Variants in UXS1 observed in about 807,000 individuals in gnomAD.
The protein encoded by UXS1 is UDP-glucuronic acid decarboxylase 1.
UXS1 carries 33 observed loss-of-function variants against 62.6 expected under a neutral mutation model. The ratio of observed to expected loss-of-function variants is 0.53; its 90% CI spans 0.40 to 0.70. The LOEUF is 0.70. Among genes scored for constraint, UXS1 ranks in the 30% least tolerant of loss-of-function variants. The probability of loss-of-function intolerance (pLI) is 0.00; values close to 1 mark genes in which losing one functional copy is unlikely to be tolerated. For missense variants in UXS1, 434 were observed against 556.3 expected (o/e 0.78, Z 2.21); for synonymous variants, 213 against 206.8 (o/e 1.03, Z -0.26).
At chr2:106,152,351 G>T in intron 5 of UXS1, among the ~76,000 whole-genome samples, 1 of 151,826 alleles carries the variant, frequency 6.6e-6, no homozygotes, top group East Asian at 1.9e-4. Context: ...ACTTGGGAGG[G>T]TGAGACAGGA....
chr2:106,171,435 A>AG (rs1371064141), intron 1 of UXS1, among the ~76,000 whole-genome samples: 1 of 152,342 alleles, frequency 6.6e-6, no homozygotes, highest in East Asian at 1.9e-4. Context: ...GGGAGACTAG[A>AG]GGGGAGTCTC....
At chr2:106,194,040 A>G in intron 1 of UXS1, 108 bp downstream of exon 1, 1 of 769,726 alleles carries the variant, frequency 1.3e-6, no homozygotes, top group Non-Finnish European at 1.8e-6. Context: ...GGCGGGGAGC[A>G]ACGCGGGGCT....
At chr2:106,120,299 C>G (rs1679418375) in intron 9 of UXS1, among the ~76,000 whole-genome samples, 1 of 152,230 alleles carries the variant, frequency 6.6e-6, no homozygotes, top group Non-Finnish European at 1.5e-5. Flanking sequence ...CACGTCATTC[C>G]TTCCTCATCA....
chr2:106,107,684 A>T lies in UXS1; in HGVS notation c.880-2847T>A, dbSNP rs184100136. ...CCAAAAGGCTCCCAAAATAACCTGCAGTCTGCTGGGTATTTCCCACCGTTG... is the reference window on the plus strand; with the variant it reads ...CCAAAAGGCTCCCAAAATAACCTGCTGTCTGCTGGGTATTTCCCACCGTTG... On this transcript the variant is annotated intron_variant, in intron 10 of 14. Transcript: ENST00000283148. 2.0e-5 allele frequency among the ~76,000 whole-genome samples: 3 copies of T among 152,320 alleles called. No individual in the cohort carries two copies. The East Asian group carries it at 5.8e-4, about 30-fold the overall frequency.
chr2:106,120,219 C>T (rs958574148), intron 9 of UXS1, among the ~76,000 whole-genome samples: 11 of 152,208 alleles, frequency 7.2e-5, no homozygotes, highest in African/African-American at 2.4e-4. Flanking sequence ...GAACACACTG[C>T]ACCTTCTTCA....
intron 6 of UXS1, chr2:106,138,478 T>C: frequency 2.0e-6 from 2 of 985,452 alleles, no homozygotes; most frequent in Non-Finnish European, 2.4e-6. Context: ...CTGAGCCCAC[T>C]GCAGGTCTCA....
chr2:106,189,127 T>C (rs867417321), intron 1 of UXS1, among the ~76,000 whole-genome samples: 5 of 151,894 alleles, frequency 3.3e-5, no homozygotes, highest in South Asian at 2.1e-4. Flanking sequence ...AGAGATGAAA[T>C]AGAAAATGGG....
intron 1 of UXS1, among the ~76,000 whole-genome samples, chr2:106,183,083 A>G (rs1242875616): frequency 6.6e-6 from 1 of 152,168 alleles, no homozygotes; most frequent in East Asian, 1.9e-4. Context: ...ACGAGGATCC[A>G]TTATTCACAG....
intron 1 of UXS1, among the ~76,000 whole-genome samples, chr2:106,167,185 A>C (rs1435631999): frequency 6.6e-6 from 1 of 152,214 alleles, no homozygotes; most frequent in East Asian, 1.9e-4. Flanking sequence ...CACTCACTTT[A>C]AGTTACTGAG....
chr2:106,191,809 A>G (rs1415400689), intron 1 of UXS1, among the ~76,000 whole-genome samples: 1 of 152,202 alleles, frequency 6.6e-6, no homozygotes, highest in African/African-American at 2.4e-5. Flanking sequence ...TGATTCCTCA[A>G]CAAAACAAAC....
intron 6 of UXS1, among the ~76,000 whole-genome samples, chr2:106,141,882 T>C (rs1281677104): frequency 1.3e-5 from 2 of 151,966 alleles, no homozygotes. Flanking sequence ...TTTTGGTTTT[T>C]TTTTTTGAGA....
intron 1 of UXS1, 55 bp downstream of exon 1, chr2:106,194,093 C>A: frequency 7.2e-7 from 1 of 1,387,292 alleles, no homozygotes; most frequent in Non-Finnish European, 9.5e-7. Flanking sequence ...GCCCGGCCCA[C>A]CGCGGCGCCG....
intron 9 of UXS1, among the ~76,000 whole-genome samples, chr2:106,121,739 A>G (rs769298675): frequency 2.0e-5 from 3 of 152,254 alleles, no homozygotes; most frequent in Non-Finnish European, 4.4e-5. Context: ...CAAGAAATAA[A>G]GCAGAAAAGT....
At chr2:106,159,732 T>C (rs1401282883) in intron 4 of UXS1, among the ~76,000 whole-genome samples, 2 of 152,206 alleles carry the variant, frequency 1.3e-5, no homozygotes, top group Non-Finnish European at 2.9e-5. Flanking sequence ...AGCACTAGGA[T>C]ACAGAATGCA....
chr2:106,129,158 A>G (rs1680216293), intron 7 of UXS1, among the ~76,000 whole-genome samples: 1 of 152,208 alleles, frequency 6.6e-6, no homozygotes, highest in Non-Finnish European at 1.5e-5. Flanking sequence ...CGAACCCTGA[A>G]GTCCAATCTA....
chr2:106,119,000 TTTTA>T (rs1381962124), intron 9 of UXS1, among the ~76,000 whole-genome samples: 3 of 152,242 alleles, frequency 2.0e-5, no homozygotes, highest in Non-Finnish European at 2.9e-5. Context: ...TCCTCCTTGA[TTTTA>T]TTTGTCTCCA....
chr2:106,095,161 C>T (rs1209060275), intron 14 of UXS1, among the ~76,000 whole-genome samples: 1 of 152,156 alleles, frequency 6.6e-6, no homozygotes, highest in Admixed American at 6.5e-5. Context: ...ACACACCTCA[C>T]ATAAAAAGCA....
At chr2:106,179,710 C>A (rs1305182710) in intron 1 of UXS1, 2 of 152,234 alleles carry the variant, frequency 1.3e-5, no homozygotes, top group African/African-American at 2.4e-5. Context: ...AGTCCCCACT[C>A]ATACAAAGCC....
At chr2:106,144,787 T>C (rs923775082) in intron 6 of UXS1, among the ~76,000 whole-genome samples, 8 of 152,170 alleles carry the variant, frequency 5.3e-5, no homozygotes, top group African/African-American at 1.9e-4. Context: ...ATAAAAACAC[T>C]AATCTCATTT....
Sources: allele counts gnomAD v4.1 joint callset (sites outside exome capture counted in the v4.1 genomes callset), GRCh38; gene constraint gnomAD v4.1.1; transcripts MANE v1.5; gene names NCBI Gene and HGNC (gene_info 2026-07-23, HGNC 2026-07-21).